Variants in GPR142 observed in about 807,000 individuals in gnomAD.
GPR142 encodes G protein-coupled receptor 142.
In GPR142, 9 loss-of-function variants were observed where a neutral mutation model predicts 10.6. The observed-to-expected ratio is 0.85, with a 90% CI of 0.51 to 1.48. GPR142 has a LOEUF of 1.48. GPR142 is among the 40% of genes most tolerant of loss of function. GPR142 has a pLI of 0.00. For synonymous variants in GPR142, 202 were observed against 221.2 expected (o/e 0.91, Z 0.77); for missense variants, 482 against 506.0 (o/e 0.95, Z 0.45).
chr17:74,368,290 T>TCTGTGC (rs1383336211), intron 1 of GPR142, among the ~76,000 whole-genome samples: 1 of 152,162 alleles, frequency 6.6e-6, no homozygotes, highest in Non-Finnish European at 1.5e-5. Flanking sequence ...TGGGGCGTCA[T>TCTGTGC]CTGTGCTACT....
chr17:74,370,904 G>A (rs1011961104), intron 3 of GPR142, among the ~76,000 whole-genome samples: 6 of 152,320 alleles, frequency 3.9e-5, no homozygotes, highest in Non-Finnish European at 7.3e-5. Context: ...AGCAGTGAGC[G>A]CACTCTTAGG....
At chr17:74,369,684 A>G (rs2055008674) in intron 2 of GPR142, 50 bp downstream of exon 2, 2 of 1,504,558 alleles carry the variant, frequency 1.3e-6, no homozygotes, top group Non-Finnish European at 1.8e-6. Context: ...GTGGAAAGGC[A>G]GGAGGGAACA....
chr17:74,369,389 T>G, intron 1 of GPR142, 79 bp from the exon 2 acceptor site: 1 of 1,399,986 alleles, frequency 7.1e-7, no homozygotes, highest in South Asian at 1.3e-5. Context: ...CACCAGCATC[T>G]ACTCTAGCTC....
Position 74,371,881 on chromosome 17 carries a change from C to T in GPR142, c.406C>T (p.Arg136Cys), listed in dbSNP as rs146850297. The T allele has an allele frequency of 1.4e-5, 22 of 1,613,200 alleles. No individual in the cohort carries two copies. Among genetic ancestry groups the T allele is most frequent in the South Asian group, 6.6e-5 (6 of 91,082 alleles). ...CCTCCTGCAGGGAGCAGTGCTGGCC[C>T]GCCAGGTGCCCCAGGCTGTGGTGCG... ...GFLLQGAVLA[R>C]QVPQAVVRTA... Residue 136 changes from arginine to cysteine, a missense_variant, in exon 4 of 4, where the codon CGC becomes TGC. By Grantham distance (180) the Arg-to-Cys change is radical. Transcript: ENST00000582579.
chr17:74,369,108 C>T (rs774972646), intron 1 of GPR142, among the ~76,000 whole-genome samples: 9 of 152,250 alleles, frequency 5.9e-5, no homozygotes, highest in African/African-American at 1.7e-4. Context: ...GAGTCAGCAC[C>T]CTGAGTCCTT....
intron 1 of GPR142, among the ~76,000 whole-genome samples, chr17:74,368,895 G>C (rs568621178): frequency 3.1e-4 from 47 of 152,104 alleles, no homozygotes; most frequent in Non-Finnish European, 5.6e-4. Context: ...CCCTGTGCAC[G>C]GCTGCCTGCC....
intron 2 of GPR142, 22 bp downstream of exon 2, chr17:74,369,656 TGTGCTGGGGGCAATAAG>T (rs2055008506): frequency 9.1e-6 from 14 of 1,535,608 alleles, no homozygotes; most frequent in Non-Finnish European, 1.2e-5. Context: ...TGAAGTGGGG[TGTGCTGGGGGCAATAAG>T]GTGGAAAGGC....
chr17:74,370,444 C>T, intron 2 of GPR142, 77 bp from the exon 3 acceptor site: 1 of 1,471,850 alleles, frequency 6.8e-7, no homozygotes, highest in South Asian at 1.3e-5. Flanking sequence ...AGAAAGACCC[C>T]AGGTCAGGGC....
Position 74,372,447 on chromosome 17 carries a change from C to G in GPR142, c.972C>G (p.Gly324=), listed in dbSNP as rs747367996. Residue 324 remains glycine (G), a synonymous_variant, in exon 4 of 4, where the codon GGC becomes GGG. Transcript: ENST00000582579. ...VAMLHTAANF[G]LYCFVSKTFR... ...TGCTCCACACGGCAGCCAACTTCGG[C>G]CTCTACTGCTTTGTCAGCAAGACTT... is the stretch of plus-strand genomic sequence containing the variant. The G allele has an allele frequency of 4.3e-6, 7 of 1,613,920 alleles. No homozygotes were observed. Among genetic ancestry groups the G allele is most frequent in the Non-Finnish European group, 5.9e-6 (7 of 1,179,966 alleles).
chr17:74,372,465 C>G lies in GPR142; in HGVS notation c.990C>G (p.Ser330Arg), dbSNP rs368187784. ...AANFGLYCFV[S>R]KTFRATVRQV... Reference sequence around the variant, plus strand: ...ACTTCGGCCTCTACTGCTTTGTCAGCAAGACTTTCCGGGCCACTGTCCGAC... The same window carrying G: ...ACTTCGGCCTCTACTGCTTTGTCAGGAAGACTTTCCGGGCCACTGTCCGAC... Residue 330 changes from serine to arginine, a missense_variant, in exon 4 of 4, where the codon AGC becomes AGG. Coordinates refer to ENST00000582579, the MANE Select transcript of GPR142 (RefSeq NM_001331076.1). The G allele has an allele frequency of 1.3e-5, 21 of 1,613,812 alleles. No individual in the cohort carries two copies. Among genetic ancestry groups the G allele is most frequent in the African/African-American group, 4.0e-5 (3 of 74,946 alleles).
In GPR142 at chr17:74,369,654, G is replaced by A. The variant is rs769974236; in HGVS notation, c.94+20G>A. 1.3e-6 allele frequency: 2 copies of A among 1,537,134 alleles called. No individual in the cohort carries two copies. Among genetic ancestry groups the A allele is most frequent in the South Asian group, 2.4e-5 (2 of 83,018 alleles). The stretch of plus-strand genomic sequence containing the variant: ...AGACAGGTAAGGCATCTTGAAGTGG[G>A]GTGTGCTGGGGGCAATAAGGTGGAA... On this transcript the variant is annotated intron_variant, in intron 2 of 3. Transcript: ENST00000582579.
rs754159963 is a variant in GPR142, at chr17:74,372,007, C to T, written c.532C>T (p.His178Tyr). ...CACTGCCCTGTGCCACCCCCTGCAC[C>T]ATCGGGCCGCCTCGTCCCCAGGCCG... ...RYTALCHPLH[H>Y]RAASSPGRTR... Residue 178 changes from histidine (H) to tyrosine (Y), a missense_variant, in exon 4 of 4, where the codon CAT becomes TAT. Coordinates refer to ENST00000582579, the MANE Select transcript of GPR142 (RefSeq NM_001331076.1). 1.1e-5 allele frequency: 18 copies of T among 1,613,216 alleles called. No individual in the cohort carries two copies. In the South Asian group the frequency reaches 2.0e-4, roughly 18 times the overall value.
At chr17:74,370,747 C>A in intron 3 of GPR142, 68 bp downstream of exon 3, 2 of 1,467,502 alleles carry the variant, frequency 1.4e-6, no homozygotes, top group Non-Finnish European at 9.3e-7. Flanking sequence ...TCAATGGGTG[C>A]CAGTCCTCTG....
At position 74,368,058 on chromosome 17, in the gene GPR142, A is replaced by C. The variant is rs62063608; in HGVS notation, c.-74+264A>C. ...CTCTTTGAGAGGCCAAGGCAGAAGGACCACTTGAAGCCTGGAGTTCCAGAC... is the reference window on the plus strand; with the variant it reads ...CTCTTTGAGAGGCCAAGGCAGAAGGCCCACTTGAAGCCTGGAGTTCCAGAC... On this transcript the variant is annotated intron_variant, in intron 1 of 3. Transcript: ENST00000582579. Among the ~76,000 whole-genome samples the C allele has an allele frequency of 2.0e-3, 300 of 152,294 alleles. 2 individuals carry two copies. The highest frequency in any genetic ancestry group is 3.7e-3 in the Admixed American group (56 of 15,294).
chr17:74,368,210 A>T (rs1448555127), intron 1 of GPR142, among the ~76,000 whole-genome samples: 3 of 152,188 alleles, frequency 2.0e-5, no homozygotes, highest in African/African-American at 7.2e-5. Context: ...CCCCTCACCC[A>T]TGGCAGCTCC....
At chr17:74,370,427 G>A in intron 2 of GPR142, 94 bp from the exon 3 acceptor site, 1 of 1,346,444 alleles carries the variant, frequency 7.4e-7, no homozygotes, top group Non-Finnish European at 1.0e-6. Context: ...CACAGAGCAG[G>A]GTGACTAGAA....
In GPR142 at chr17:74,367,632, C is replaced by T; in HGVS notation, c.-236C>T. 6.2e-7 allele frequency: 1 copy of T among 1,614,178 alleles called. No homozygotes were observed. The highest frequency in any genetic ancestry group is 8.5e-7 in the Non-Finnish European group (1 of 1,180,038). ...AGACAAATCAATGGTGTCCCATGCA[C>T]AGAAAAGCCAGCATTCTTGTCTCAG... On this transcript the variant is annotated 5_prime_UTR_variant, in exon 1 of 4. The change creates a premature stop within an existing upstream ORF in the 5' untranslated region. Coordinates refer to ENST00000582579, the MANE Select transcript of GPR142 (RefSeq NM_001331076.1).
In GPR142 at chr17:74,372,106, A is replaced by G; in HGVS notation, c.631A>G (p.Met211Val). The change falls in exon 4 of 4, where the codon ATG (methionine) becomes GTG (valine). Residue 211 changes from methionine to valine, a missense_variant. Met to Val is a conservative substitution (Grantham distance 21). Transcript: ENST00000582579. ...TGIPFYWWLD[M>V]WRDTDSPRTL... ...CATCCCCTTCTACTGGTGGCTGGACATGTGGAGAGACACCGACTCACCCAG... is the reference window on the plus strand; with the variant it reads ...CATCCCCTTCTACTGGTGGCTGGACGTGTGGAGAGACACCGACTCACCCAG... 1 of 1,614,190 alleles carries G rather than the reference A, an allele frequency of 6.2e-7. No homozygotes were observed. The highest frequency in any genetic ancestry group is 8.5e-7 in the Non-Finnish European group (1 of 1,180,038).
chr17:74,372,291 G>T lies in GPR142; in HGVS notation c.816G>T (p.Leu272=), dbSNP rs746882765. The T allele has an allele frequency of 3.7e-6, 6 of 1,613,754 alleles. No individual in the cohort carries two copies. In the South Asian group the frequency reaches 5.5e-5, roughly 15 times the overall value. ...PRVGKSTAIL[L]GITTLFTLLW... is the part of the protein sequence containing the mutation. ...TGGGCAAGAGCACAGCCATCCTCCTGGGCATCACCACACTGTTCACCCTCC... is the reference window on the plus strand; with the variant it reads ...TGGGCAAGAGCACAGCCATCCTCCTTGGCATCACCACACTGTTCACCCTCC... Residue 272 remains leucine (L), a synonymous_variant, in exon 4 of 4, where the codon CTG becomes CTT. Coordinates refer to ENST00000582579, the MANE Select transcript of GPR142 (RefSeq NM_001331076.1).
Sources: gnomAD v4.1 joint callset for allele counts (sites outside exome capture counted in the v4.1 genomes callset) on GRCh38, gnomAD v4.1.1 for gene constraint, MANE v1.5 for transcripts, NCBI Gene and HGNC (gene_info 2026-07-23, HGNC 2026-07-21) for gene names.